SNRPN: variants seen among roughly 807,000 people sequenced by gnomAD.
SNRPN encodes the protein small nuclear ribonucleoprotein-associated protein N.
SNRPN carries 7 observed loss-of-function variants against 25.2 expected under a neutral mutation model. That is an observed-to-expected ratio of 0.28 (90% CI 0.16 to 0.52). SNRPN has a LOEUF of 0.52. SNRPN is among the 20% of genes least tolerant of loss of function. The probability of loss-of-function intolerance (pLI) is 0.96; values close to 1 mark genes in which losing one functional copy is unlikely to be tolerated. For synonymous variants in SNRPN, 124 were observed against 110.6 expected (o/e 1.12, Z -0.76); for missense variants, 196 against 322.5 (o/e 0.61, Z 3.00).
chr15:24,923,008 C>T (rs891178694), intron 3 of SNRPN, among the ~76,000 whole-genome samples: 11 of 140,574 alleles, frequency 7.8e-5, no homozygotes, highest in Non-Finnish European at 1.1e-4. Context: ...TGCATTGAAG[C>T]GATTCTCCTG....
intron 2 of SNRPN, among the ~76,000 whole-genome samples, chr15:24,838,310 C>T (rs1328971566): frequency 1.3e-5 from 2 of 152,176 alleles, no homozygotes; most frequent in Admixed American, 1.3e-4. Flanking sequence ...GCTGGGATTA[C>T]AGGCGTGAGC....
At chr15:24,954,947 G>A (rs529153586), upstream of SNRPN, 83 of 1,542,280 alleles carry the variant, frequency 5.4e-5, 1 homozygote, top group South Asian at 9.4e-4. Context: ...GCTCAGGCGG[G>A]GATGTGTGCG....
intron 1 of SNRPN, among the ~76,000 whole-genome samples, chr15:24,866,633 GA>G (rs781555571): frequency 6.6e-6 from 1 of 152,114 alleles, no homozygotes; most frequent in African/African-American, 2.4e-5. Context: ...TAGATCTCTT[GA>G]AATTATTCCT....
chr15:24,916,464 G>A (rs1418823893), intron 2 of SNRPN, among the ~76,000 whole-genome samples: 1 of 152,028 alleles, frequency 6.6e-6, no homozygotes. Flanking sequence ...TAAGGCAGGA[G>A]GATTGCTTGA....
Position 24,977,843 on chromosome 15 carries a change from T to A in SNRPN, c.486T>A (p.Ala162=). ...CTGTTGCTGCGACTGCCAGTATTGC[T>A]GGAGCCCCAACACAGTACCCACCAG... The part of the protein sequence containing the change: ...AAAVAATASI[A]GAPTQYPPGR... Residue 162 remains alanine, a synonymous_variant, in exon 8 of 10, where the codon GCT becomes GCA. Coordinates refer to ENST00000390687, the MANE Select transcript of SNRPN (RefSeq NM_003097.6). 6.2e-7 allele frequency: 1 copy of A among 1,613,620 alleles called. No individual in the cohort carries two copies. Among genetic ancestry groups the A allele is most frequent in the African/African-American group, 1.3e-5 (1 of 75,018 alleles).
intron 1 of SNRPN, among the ~76,000 whole-genome samples, chr15:24,878,434 C>T (rs1482737944): frequency 2.6e-5 from 4 of 152,350 alleles, no homozygotes; most frequent in African/African-American, 2.4e-5. Flanking sequence ...GCCTGCACAG[C>T]GCAGGCGGAA....
At chr15:24,873,670 A>T (rs941068622) in intron 1 of SNRPN, among the ~76,000 whole-genome samples, 8 of 151,890 alleles carry the variant, frequency 5.3e-5, no homozygotes, top group Non-Finnish European at 1.0e-4. Context: ...GATGGTCTCG[A>T]TCTCCTGACC....
chr15:24,961,296 A>G (rs184526406), intron 1 of SNRPN, among the ~76,000 whole-genome samples: 126 of 152,352 alleles, frequency 8.3e-4, no homozygotes, highest in African/African-American at 3.0e-3. Flanking sequence ...CTAAAAGTCT[A>G]ACATGACTTA....
intron 2 of SNRPN, 57 bp from the exon 3 acceptor site, chr15:24,967,875 T>C: frequency 2.7e-6 from 4 of 1,465,652 alleles, no homozygotes; most frequent in Non-Finnish European, 3.8e-6. Flanking sequence ...TTTCATATGG[T>C]TTCCTATAAA....
intron 2 of SNRPN, among the ~76,000 whole-genome samples, chr15:24,845,530 G>A (rs1484617528): frequency 6.8e-6 from 1 of 147,938 alleles, no homozygotes; most frequent in Non-Finnish European, 1.5e-5. Flanking sequence ...CCTGGCAGAC[G>A]GAAGTTGCAG....
At chr15:24,850,791 G>C (rs1244230029) in intron 2 of SNRPN, 2 of 152,208 alleles carry the variant, frequency 1.3e-5, no homozygotes, top group African/African-American at 4.8e-5. Context: ...GGGGAAGTCA[G>C]GGCTCACTCC....
At chr15:24,922,889 C>CTTTTTTT (rs1566915791) in intron 3 of SNRPN, among the ~76,000 whole-genome samples, 1 of 34,566 alleles carries the variant, frequency 2.9e-5, no homozygotes, top group African/African-American at 1.7e-4. Context: ...GTAGGCAGAT[C>CTTTTTTT]CTTTTTTTTT....
intron 3 of SNRPN, among the ~76,000 whole-genome samples, chr15:24,925,744 AAT>A (rs1491444563): frequency 7.7e-5 from 4 of 51,900 alleles, no homozygotes; most frequent in Non-Finnish European, 1.6e-4. Flanking sequence ...ATGCCCAGCT[AAT>A]TTTTTTTTTT....
At chr15:24,961,873 A>G (rs1430229386) in intron 1 of SNRPN, among the ~76,000 whole-genome samples, 2 of 151,790 alleles carry the variant, frequency 1.3e-5, no homozygotes, top group Admixed American at 6.6e-5. Flanking sequence ...TTTTAATTTC[A>G]TTTTCTGATT....
At chr15:24,846,465 A>G (rs2052204596) in intron 2 of SNRPN, among the ~76,000 whole-genome samples, 1 of 152,210 alleles carries the variant, frequency 6.6e-6, no homozygotes, top group Non-Finnish European at 1.5e-5. Flanking sequence ...ATATGAACAA[A>G]TAGGCAATGC....
intron 1 of SNRPN, among the ~76,000 whole-genome samples, chr15:24,828,725 TA>T (rs1428229833): frequency 4.2e-4 from 64 of 152,090 alleles, no homozygotes; most frequent in African/African-American, 1.5e-3. Context: ...GCTCCATCTC[TA>T]AAAAAGTAAA....
intron 4 of SNRPN, chr15:24,974,766 C>A (rs1253580504): frequency 3.3e-6 from 2 of 615,232 alleles, no homozygotes; most frequent in Non-Finnish European, 5.8e-6. Flanking sequence ...ACTGTGTTGG[C>A]CAGGCTGGTC....
chr15:24,954,955 G>T (rs962393038), upstream of SNRPN: 9 of 1,575,498 alleles, frequency 5.7e-6, no homozygotes, highest in Non-Finnish European at 7.8e-6. Flanking sequence ...GGGGATGTGT[G>T]CGAAGCCTGC....
chr15:24,974,336 G>A lies in SNRPN; in HGVS notation c.-118G>A. 1 of 898,652 alleles carries A rather than the reference G, an allele frequency of 1.1e-6. No individual in the cohort carries two copies. The highest frequency in any genetic ancestry group is 1.7e-5 in the Admixed American group (1 of 58,194). The allele number at this position is 898,652 out of a possible 1,614,324, so 55.7% of individuals were successfully genotyped here. A position where few individuals can be genotyped will look rare whatever the true frequency, so the allele number is the denominator to read the frequency against. The stretch of plus-strand genomic sequence containing the variant: ...GCTCCATCTACTCTTTGAAGCTTCT[G>A]CCCAGCTTGCATTGTTTCTAGGAGA... On this transcript the variant is annotated 5_prime_UTR_variant, in exon 4 of 10. Transcript: ENST00000390687.
Sources: allele counts gnomAD v4.1 joint callset (sites outside exome capture counted in the v4.1 genomes callset), GRCh38; gene constraint gnomAD v4.1.1; transcripts MANE v1.5; gene names NCBI Gene and HGNC (gene_info 2026-07-23, HGNC 2026-07-21).